Variants in FOCAD observed in about 807,000 individuals in gnomAD.
FOCAD encodes KIAA1797.
A neutral mutation model predicts 225.6 loss-of-function variants in FOCAD; 198 were observed. The observed-to-expected ratio is 0.88, with a 90% CI of 0.78 to 0.99. FOCAD has a LOEUF of 0.99. FOCAD is among the 50% of genes least tolerant of loss of function. FOCAD has a pLI of 0.00. For synonymous variants in FOCAD, 897 were observed against 755.0 expected, an observed-to-expected ratio of 1.19 and a Z score of -3.08; for missense variants, 2,713 against 2,123.6, an observed-to-expected ratio of 1.28 and a Z score of -5.46.
intron 1 of FOCAD, among the ~76,000 whole-genome samples, chr9:20,703,883 G>C (rs1824172441): frequency 6.6e-6 from 1 of 152,212 alleles, no homozygotes; most frequent in African/African-American, 2.4e-5. Flanking sequence ...TTCCAAGATG[G>C]TAAGTGATTT....
chr9:20,843,230 C>A, intron 15 of FOCAD, among the ~76,000 whole-genome samples: 1 of 152,128 alleles, frequency 6.6e-6, no homozygotes, highest in East Asian at 1.9e-4. Context: ...TTTCCAAATG[C>A]TCTCTAACAT....
At chr9:20,797,968 A>G (rs939085565) in intron 11 of FOCAD, among the ~76,000 whole-genome samples, 1 of 152,158 alleles carries the variant, frequency 6.6e-6, no homozygotes, top group Non-Finnish European at 1.5e-5. Flanking sequence ...ATTCAGTATG[A>G]TATTGGCTGT....
At chr9:20,957,548 C>G (rs1449785097) in intron 35 of FOCAD, 1 of 128,062 alleles carries the variant, frequency 7.8e-6, no homozygotes, top group Non-Finnish European at 1.6e-5. Context: ...GATCTCGGCT[C>G]ACTGCAACCT....
chr9:20,684,228 G>C (rs1264012087), upstream of FOCAD: 2 of 152,362 alleles, frequency 1.3e-5, no homozygotes, highest in East Asian at 1.9e-4. Flanking sequence ...GCCCCCGGGC[G>C]TTCGAGGCGG....
At chr9:20,837,482 G>T (rs1022464845) in intron 15 of FOCAD, among the ~76,000 whole-genome samples, 1 of 151,932 alleles carries the variant, frequency 6.6e-6, no homozygotes, top group Non-Finnish European at 1.5e-5. Flanking sequence ...GATGGTAATT[G>T]TGTGCTGTTC....
rs910249555 is a variant in FOCAD at position 20,874,922 on chromosome 9, A to G, written c.2317+115A>G. The G allele has an allele frequency of 2.8e-5, 37 of 1,327,284 alleles. No individual in the cohort carries two copies. The African/African-American group carries it at 5.0e-4, about 18-fold the overall frequency. The allele number at this position is 1,327,284 out of a possible 1,614,324, so 82.2% of individuals were successfully genotyped here. Reference sequence around the variant, plus strand: ...TTTAACCTTATGTGCTTATTTTTTAACCAGAATGTTAAATGCACCCATCTG... The same window carrying G: ...TTTAACCTTATGTGCTTATTTTTTAGCCAGAATGTTAAATGCACCCATCTG... On this transcript the variant is annotated intron_variant, in intron 19 of 43. Coordinates refer to ENST00000338382, the MANE Select transcript of FOCAD (RefSeq NM_001375567.1).
chr9:20,655,634 A>T (rs1342260963), upstream of FOCAD, among the ~76,000 whole-genome samples: 1 of 152,166 alleles, frequency 6.6e-6, no homozygotes, highest in Admixed American at 6.5e-5. Context: ...GAGATAAGAC[A>T]TTTTTTATTG....
chr9:20,754,967 A>G (rs957343914), intron 5 of FOCAD, among the ~76,000 whole-genome samples: 8 of 152,224 alleles, frequency 5.3e-5, no homozygotes, highest in African/African-American at 1.9e-4. Flanking sequence ...ATGACTCTTA[A>G]GGGAGAATTT....
At chr9:20,980,355 C>T (rs2132619205) in intron 37 of FOCAD, among the ~76,000 whole-genome samples, 1 of 152,262 alleles carries the variant, frequency 6.6e-6, no homozygotes, top group African/African-American at 2.4e-5. Context: ...TTCACTCCTT[C>T]TTACTTTTGA....
At chr9:20,843,740 C>G (rs1343657833) in intron 15 of FOCAD, among the ~76,000 whole-genome samples, 1 of 151,992 alleles carries the variant, frequency 6.6e-6, no homozygotes, top group Non-Finnish European at 1.5e-5. Context: ...CTTAGATTTT[C>G]CTTCTCTATA....
chr9:20,904,095 T>G (rs1832761815), intron 21 of FOCAD, among the ~76,000 whole-genome samples: 1 of 151,990 alleles, frequency 6.6e-6, no homozygotes, highest in African/African-American at 2.4e-5. Context: ...TACTTCATTC[T>G]TTTTGTGACT....
chr9:20,932,094 GA>G (rs981774897), intron 27 of FOCAD, among the ~76,000 whole-genome samples: 1 of 151,970 alleles, frequency 6.6e-6, no homozygotes, highest in Non-Finnish European at 1.5e-5. Context: ...ATTTGTTTAG[GA>G]TATTTAAGTA....
At chr9:20,862,819 T>A in intron 16 of FOCAD, 107 bp downstream of exon 16, 3 of 1,308,448 alleles carry the variant, frequency 2.3e-6, no homozygotes. Context: ...GTTGTTGTTG[T>A]TCTGAGACCA....
At chr9:20,899,789 G>A (rs1433258771) in intron 21 of FOCAD, among the ~76,000 whole-genome samples, 1 of 151,768 alleles carries the variant, frequency 6.6e-6, no homozygotes, top group African/African-American at 2.4e-5. Flanking sequence ...CAAAAACTTT[G>A]GATTTTTTTT....
chr9:20,864,086 TC>T (rs1401866411), intron 16 of FOCAD, among the ~76,000 whole-genome samples: 2 of 152,014 alleles, frequency 1.3e-5, no homozygotes, highest in Non-Finnish European at 2.9e-5. Context: ...GTGAACATAG[TC>T]CCCTTAAAAG....
chr9:20,916,150 A>G (rs1275046734), intron 23 of FOCAD, among the ~76,000 whole-genome samples: 2 of 152,168 alleles, frequency 1.3e-5, no homozygotes, highest in Non-Finnish European at 2.9e-5. Context: ...AACTTTAACA[A>G]TATTTATAAA....
chr9:20,768,089 TC>T (rs1485877217), intron 7 of FOCAD, among the ~76,000 whole-genome samples: 1 of 150,010 alleles, frequency 6.7e-6, no homozygotes, highest in East Asian at 2.0e-4. Flanking sequence ...GGGAATCCTT[TC>T]CCCATTGCTT....
chr9:20,946,967 T>G (rs1837243716), intron 30 of FOCAD, 147 bp downstream of exon 30: 2 of 996,084 alleles, frequency 2.0e-6, no homozygotes, highest in South Asian at 3.5e-5. Flanking sequence ...TTCTCACAGC[T>G]GTAGCCAAAA....
chr9:20,926,737 C>T (rs568292258), intron 26 of FOCAD, among the ~76,000 whole-genome samples: 5 of 150,134 alleles, frequency 3.3e-5, no homozygotes, highest in South Asian at 2.1e-4. Context: ...GAGCCAAGAT[C>T]GCGCCATTGC....
Sources: allele counts gnomAD v4.1 joint callset (sites outside exome capture counted in the v4.1 genomes callset), GRCh38; gene constraint gnomAD v4.1.1; transcripts MANE v1.5; gene names NCBI Gene and HGNC (gene_info 2026-07-23, HGNC 2026-07-21).